The following STARD9 variants were observed in gnomAD, a reference collection of about 807,000 sequenced individuals.
The protein encoded by STARD9 is stAR-related lipid transfer protein 9.
In STARD9, 346 loss-of-function variants were observed where a neutral mutation model predicts 399.8. The observed-to-expected ratio is 0.87, with a 90% CI of 0.79 to 0.95. The LOEUF (loss-of-function observed/expected upper bound fraction) is 0.95, where lower values mean the gene tolerates loss of function less well. Among genes scored for constraint, STARD9 ranks in the 40% least tolerant of loss-of-function variants. The pLI, the probability that STARD9 is intolerant of heterozygous loss-of-function variation, is 0.00. For missense variants in STARD9, 5,832 were observed against 5,667.5 expected, an observed-to-expected ratio of 1.03 and a Z score of -0.93; for synonymous variants, 2,203 against 2,143.5, an observed-to-expected ratio of 1.03 and a Z score of -0.77.
rs1170836537 is a variant in STARD9 at position 42,691,875 on chromosome 15, G to T, written c.10297G>T (p.Ala3433Ser). The T allele has an allele frequency of 6.5e-7, 1 of 1,537,186 alleles. No homozygotes were observed. The highest frequency in any genetic ancestry group is 1.2e-5 in the South Asian group (1 of 84,070). The change falls in exon 23 of 33, where the codon GCC becomes TCC. Residue 3433 changes from alanine (A) to serine (S), a missense_variant. Ala to Ser is a moderately conservative substitution (Grantham distance 99). Transcript: ENST00000290607. ...TSWMSGTLEQ[A>S]QQGKREKLGV... ...CTGGATGTCTGGTACTTTGGAACAA[G>T]CCCAACAGGGAAAGCGAGAGAAACT...
At chr15:42,638,282 A>G (rs2059457615) in intron 6 of STARD9, 195 bp downstream of exon 6, 1 of 612,246 alleles carries the variant, frequency 1.6e-6, no homozygotes, top group Admixed American at 2.9e-5. Flanking sequence ...TCCTACCCAT[A>G]GACTTAACAA....
chr15:42,690,935 T>C lies in STARD9; in HGVS notation c.9357T>C (p.Ser3119=), dbSNP rs2140277547. Residue 3119 remains serine, a synonymous_variant, in exon 23 of 33, where the codon TCT becomes TCC. Transcript: ENST00000290607. ...SEPLRQFRDS[S]VGDQNAQVCQ... The stretch of plus-strand genomic sequence containing the variant: ...CCCTGAGGCAGTTTAGGGACAGCTC[T>C]GTAGGTGACCAGAATGCACAGGTGT... The C allele has an allele frequency of 6.5e-7, 1 of 1,537,206 alleles. No individual in the cohort carries two copies. The highest frequency in any genetic ancestry group is 1.7e-4 in the Middle Eastern group (1 of 5,990).
Position 42,691,084 on chromosome 15 carries a change from G to T in STARD9, c.9506G>T (p.Arg3169Ile). 6.5e-7 allele frequency: 1 copy of T among 1,537,214 alleles called. No individual in the cohort carries two copies. Among genetic ancestry groups the T allele is most frequent in the Non-Finnish European group, 8.7e-7 (1 of 1,146,910 alleles). Residue 3169 changes from arginine (R) to isoleucine (I), a missense_variant, in exon 23 of 33, where the codon AGA becomes ATA. Arg to Ile is a moderately conservative substitution (Grantham distance 97). Coordinates refer to ENST00000290607, the MANE Select transcript of STARD9 (RefSeq NM_020759.3). The stretch of plus-strand genomic sequence containing the variant: ...CATGAATGTTTAGAAAATACCACTA[G>T]ATGTTTTTTGGAAAAGCCACAATTT... ...PQHECLENTT[R>I]CFLEKPQFST... is the part of the protein sequence containing the mutation.
At chr15:42,597,998 ATATGTG>A (rs1479457120) in intron 3 of STARD9, among the ~76,000 whole-genome samples, 1,869 of 112,672 alleles carry the variant, frequency 0.017, 31 homozygotes, top group African/African-American at 0.059. Flanking sequence ...TTGTATATAT[ATATGTG>A]TGTGTGTGTG....
intron 15 of STARD9, among the ~76,000 whole-genome samples, chr15:42,668,123 G>T (rs1031863774): frequency 6.6e-6 from 1 of 152,138 alleles, no homozygotes. Context: ...AGGAGTAGGT[G>T]GTGAAAGCTG....
chr15:42,658,187 C>T (rs531127156), intron 9 of STARD9, among the ~76,000 whole-genome samples: 1 of 152,054 alleles, frequency 6.6e-6, no homozygotes, highest in Non-Finnish European at 1.5e-5. Flanking sequence ...CTCTGTCACC[C>T]AGGCTAGAGT....
At chr15:42,595,274 T>C (rs568325543) in intron 3 of STARD9, among the ~76,000 whole-genome samples, 1 of 152,254 alleles carries the variant, frequency 6.6e-6, no homozygotes, top group African/African-American at 2.4e-5. Context: ...AGCAGGTATC[T>C]CCATTTTAGG....
At position 42,666,062 on chromosome 15, in the gene STARD9, TC is replaced by T. The variant is rs1318756319; in HGVS notation, c.1317+215del. 4.2e-4 allele frequency among the ~76,000 whole-genome samples: 64 copies of T among 152,332 alleles called. No homozygotes were observed. The Middle Eastern group carries it at 0.017, about 40-fold the overall frequency. On this transcript the variant is annotated intron_variant, in intron 15 of 32. Coordinates refer to ENST00000290607, the MANE Select transcript of STARD9 (RefSeq NM_020759.3). ...CTTTCTGTATTGTTCTCTCAGGGAT[TC>T]GTAAGTCCTTTGGATAGTGAGAGTA... is the stretch of plus-strand genomic sequence containing the variant.
chr15:42,606,630 A>ATT (rs80069920), intron 3 of STARD9, among the ~76,000 whole-genome samples: 52 of 136,138 alleles, frequency 3.8e-4, no homozygotes, highest in East Asian at 6.5e-4. Context: ...TAATTTTTGT[A>ATT]TTTTTTTTTT....
At position 42,594,190 on chromosome 15, in the gene STARD9, C is replaced by T. The variant is rs529700643; in HGVS notation, c.234+8553C>T. 3.9e-5 allele frequency among the ~76,000 whole-genome samples: 6 copies of T among 152,276 alleles called. 1 individual carries two copies. In the South Asian group the frequency reaches 1.2e-3, roughly 32 times the overall value. On this transcript the variant is annotated intron_variant, in intron 3 of 32. Transcript: ENST00000290607. Reference sequence around the variant, plus strand: ...TGAGGATGTCAGGAACCTGGAGAGGCTTCAGAGGGAAACCACACATACTCC... The same window carrying T: ...TGAGGATGTCAGGAACCTGGAGAGGTTTCAGAGGGAAACCACACATACTCC...
At position 42,686,512 on chromosome 15, in the gene STARD9, C is replaced by G; in HGVS notation, c.4934C>G (p.Ser1645Cys). 6.5e-7 allele frequency: 1 copy of G among 1,537,718 alleles called. No homozygotes were observed. Among genetic ancestry groups the G allele is most frequent in the Non-Finnish European group, 8.7e-7 (1 of 1,147,044 alleles). Residue 1645 changes from serine to cysteine, a missense_variant, in exon 23 of 33, where the codon TCT (serine) becomes TGT (cysteine). Ser to Cys is a moderately radical substitution (Grantham distance 112). This residue lies in a region of STARD9 where 5,828 missense variants were observed against 5,651.1 expected (regional missense o/e 1.03). Transcript: ENST00000290607. ...SCRKPGLMTS[S>C]DEDFFQKNAC... is the part of the protein sequence containing the mutation. ...AGGAAACCTGGACTGATGACTTCCT[C>G]TGATGAGGATTTTTTCCAGAAGAAC...
At chr15:42,699,671 A>G (rs558466609) in intron 26 of STARD9, among the ~76,000 whole-genome samples, 31 of 151,570 alleles carry the variant, frequency 2.0e-4, no homozygotes, top group East Asian at 1.2e-3. Flanking sequence ...GGGATTACAG[A>G]CGTGAGCCAC....
At chr15:42,595,349 G>T (rs996598081) in intron 3 of STARD9, among the ~76,000 whole-genome samples, 1 of 152,166 alleles carries the variant, frequency 6.6e-6, no homozygotes. Context: ...GATGGACGCA[G>T]CAATCAAACC....
rs1244005746 is a variant in STARD9, at chr15:42,692,226, G to A, written c.10648G>A (p.Gly3550Ser). The part of the protein sequence containing the change: ...TTHSSTENAQ[G>S]SNEAWEVFRG... ...ACACAGCAGCACTGAGAATGCCCAG[G>A]GTTCAAATGAGGCCTGGGAAGTATT... Residue 3550 changes from glycine to serine, a missense_variant, in exon 23 of 33, where the codon GGT (glycine) becomes AGT (serine). Around this residue, in one of 2 missense-constraint regions of STARD9, gnomAD observed 5,828 missense variants for 5,651.1 expected, o/e 1.03. Coordinates refer to ENST00000290607, the MANE Select transcript of STARD9 (RefSeq NM_020759.3). 6.5e-7 allele frequency: 1 copy of A among 1,537,066 alleles called. No individual in the cohort carries two copies. The highest frequency in any genetic ancestry group is 8.7e-7 in the Non-Finnish European group (1 of 1,146,910).
Position 42,688,734 on chromosome 15 carries a change from G to A in STARD9, c.7156G>A (p.Glu2386Lys). The change falls in exon 23 of 33, where the codon GAG becomes AAG. Residue 2386 changes from glutamate (E) to lysine (K), a missense_variant. Physicochemically the swap from Glu to Lys is moderately conservative, Grantham distance 56 (BLOSUM62 1). Coordinates refer to ENST00000290607, the MANE Select transcript of STARD9 (RefSeq NM_020759.3). The stretch of plus-strand genomic sequence containing the variant: ...AGTAGAGCATCAGGACCAGAGTACG[G>A]AGACCAGAAGCCACAGCCCCGAAGG... Reference protein sequence around the residue: ...TGVEHQDQSTETRSHSPEGNV... With the variant: ...TGVEHQDQSTKTRSHSPEGNV... 6.5e-7 allele frequency: 1 copy of A among 1,537,734 alleles called. No individual in the cohort carries two copies. The highest frequency in any genetic ancestry group is 8.7e-7 in the Non-Finnish European group (1 of 1,147,032).
intron 26 of STARD9, among the ~76,000 whole-genome samples, chr15:42,714,971 G>A (rs1239387303): frequency 6.6e-6 from 1 of 151,894 alleles, no homozygotes; most frequent in East Asian, 1.9e-4. Context: ...TACAGCACTG[G>A]GAACAGATTA....
intron 14 of STARD9, 112 bp downstream of exon 14, chr15:42,665,442 C>CCGTAAGAGAGTCAA: frequency 1.2e-6 from 1 of 841,158 alleles, no homozygotes; most frequent in Non-Finnish European, 1.9e-6. Context: ...AATTGACTCT[C>CCGTAAGAGAGTCAA]TTACGGCAGA....
intron 3 of STARD9, among the ~76,000 whole-genome samples, 159 bp from the exon 4 acceptor site, chr15:42,634,697 T>G (rs185382969): frequency 1.8e-4 from 28 of 152,356 alleles, no homozygotes; most frequent in African/African-American, 6.5e-4. Context: ...TTTCCTTAGC[T>G]ATCTTTTTAT....
At chr15:42,663,599 G>A (rs900082681) in intron 12 of STARD9, 109 bp downstream of exon 12, 1 of 617,110 alleles carries the variant, frequency 1.6e-6, no homozygotes, top group East Asian at 2.7e-5. Flanking sequence ...TGTTGGGACT[G>A]GTACTCTATC....
Sources: gnomAD v4.1 joint callset for allele counts (sites outside exome capture counted in the v4.1 genomes callset) on GRCh38, gnomAD v4.1.1 for gene constraint, gnomAD v4.1.1 regional missense constraint, MANE v1.5 for transcripts, NCBI Gene and HGNC (gene_info 2026-07-23, HGNC 2026-07-21) for gene names.